Variants in ARID5B observed in about 807,000 individuals in gnomAD.
ARID5B encodes AT-rich interactive domain-containing protein 5B.
A neutral mutation model predicts 97.2 loss-of-function variants in ARID5B; 13 were observed. The observed-to-expected ratio is 0.13, with a 90% CI of 0.09 to 0.21. The LOEUF is 0.21. Ranked by LOEUF, ARID5B falls within the 10% of genes least tolerant of loss-of-function variation. The probability of loss-of-function intolerance (pLI) is 1.00; values close to 1 mark genes in which losing one functional copy is unlikely to be tolerated. For missense variants in ARID5B, 1,210 were observed against 1,465.3 expected (o/e 0.83, Z 2.84); for synonymous variants, 556 against 570.3 (o/e 0.97, Z 0.36).
intron 2 of ARID5B, among the ~76,000 whole-genome samples, chr10:61,926,677 C>T (rs1248645325): frequency 1.3e-5 from 2 of 152,144 alleles, no homozygotes; most frequent in East Asian, 3.9e-4. Flanking sequence ...GGCACGATCT[C>T]AGCTCGCTGC....
chr10:62,067,959 C>A (rs117371895), intron 7 of ARID5B, among the ~76,000 whole-genome samples: 1 of 152,188 alleles, frequency 6.6e-6, no homozygotes, highest in African/African-American at 2.4e-5. Context: ...TGTTTTCTAA[C>A]CCTGTTGTCA....
At chr10:62,013,760 G>T (rs1453966453) in intron 4 of ARID5B, among the ~76,000 whole-genome samples, 4 of 146,752 alleles carry the variant, frequency 2.7e-5, no homozygotes, top group Admixed American at 1.4e-4. Flanking sequence ...GGCAGAATTT[G>T]CTTCTTTTTT....
chr10:61,972,341 C>A (rs773943522), intron 3 of ARID5B, among the ~76,000 whole-genome samples: 24 of 151,246 alleles, frequency 1.6e-4, no homozygotes, highest in Non-Finnish European at 3.4e-4. Flanking sequence ...GATTCTCCTG[C>A]CTCAGCCTCC....
At chr10:61,965,654 G>A (rs761744576) in intron 3 of ARID5B, among the ~76,000 whole-genome samples, 2 of 151,978 alleles carry the variant, frequency 1.3e-5, no homozygotes, top group Non-Finnish European at 2.9e-5. Context: ...TGGCTTTTTT[G>A]AGTTCCCAAG....
In ARID5B at chr10:62,095,153, A is replaced by T; in HGVS notation, c.*2123A>T. ...CCATAGATAGACTAGTAGAATTTAGATTATAAATGTGTGAGTGCAGATTAT... is the reference window on the plus strand; with the variant it reads ...CCATAGATAGACTAGTAGAATTTAGTTTATAAATGTGTGAGTGCAGATTAT... On this transcript the variant is annotated 3_prime_UTR_variant, in exon 10 of 10. Transcript: ENST00000279873. 4.3e-6 allele frequency: 1 copy of T among 232,444 alleles called. No individual in the cohort carries two copies. The highest frequency in any genetic ancestry group is 8.5e-6 in the Non-Finnish European group (1 of 117,320). 14.4% of individuals were successfully genotyped at this position (232,444 alleles called of 1,614,324 possible).
At chr10:62,048,401 G>A (rs543063185) in intron 4 of ARID5B, among the ~76,000 whole-genome samples, 1 of 152,064 alleles carries the variant, frequency 6.6e-6, no homozygotes, top group African/African-American at 2.4e-5. Context: ...AGAGAAGGAG[G>A]GAAAAAAAGT....
At chr10:62,025,198 A>T (rs1002654931) in intron 4 of ARID5B, 3 of 152,258 alleles carry the variant, frequency 2.0e-5, no homozygotes, top group African/African-American at 7.2e-5. Context: ...ACTGGGCAAT[A>T]CAGTAACTGA....
rs754978773 is a variant in ARID5B at position 62,092,535 on chromosome 10, A to T, written c.3072A>T (p.Ala1024=). The T allele has an allele frequency of 9.9e-6, 16 of 1,614,174 alleles. No homozygotes were observed. The East Asian group carries it at 2.9e-4, about 29-fold the overall frequency. ...TGGAGGATTTGGACCTTGTGATTGCAGGGAAAAAGGCCCGGGCAGTGTCTC... is the reference window on the plus strand; with the variant it reads ...TGGAGGATTTGGACCTTGTGATTGCTGGGAAAAAGGCCCGGGCAGTGTCTC... ...RSLEDLDLVI[A]GKKARAVSPL... Residue 1024 remains alanine (A), a synonymous_variant, in exon 10 of 10, where the codon GCA becomes GCT. Transcript: ENST00000279873.
rs892712195 is a variant in ARID5B at position 62,093,712 on chromosome 10, T to C, written c.*682T>C. 4.3e-6 allele frequency: 1 copy of C among 232,866 alleles called. No homozygotes were observed. The highest frequency in any genetic ancestry group is 2.2e-5 in the African/African-American group (1 of 45,132). The allele number at this position is 232,866 out of a possible 1,614,324, so 14.4% of individuals were successfully genotyped here. ...GTATTGCTTTTGTTTGCAGGTCTTT[T>C]TGTTTTTGTTTTGTTTTTGAGGCTG... On this transcript the variant is annotated 3_prime_UTR_variant, in exon 10 of 10. Transcript: ENST00000279873.
rs897125185 is a variant in ARID5B, at chr10:61,956,448, A to G, written c.502+16040A>G. The stretch of plus-strand genomic sequence containing the variant: ...GGACCACTGGTTTATAGCATAAACA[A>G]TTGTATTAACTGTATACTGTTGTTT... On this transcript the variant is annotated intron_variant, in intron 3 of 9. Coordinates refer to ENST00000279873, the MANE Select transcript of ARID5B (RefSeq NM_032199.3). Among the ~76,000 whole-genome samples the G allele has an allele frequency of 5.9e-5, 9 of 152,258 alleles. 1 individual carries two copies. The highest frequency in any genetic ancestry group is 1.7e-4 in the African/African-American group (7 of 41,466).
intron 3 of ARID5B, among the ~76,000 whole-genome samples, chr10:61,941,349 C>T (rs779722772): frequency 4.6e-5 from 7 of 151,148 alleles, no homozygotes; most frequent in Non-Finnish European, 8.8e-5. Context: ...ATTTATTCTC[C>T]TAGCATTGCC....
intron 3 of ARID5B, among the ~76,000 whole-genome samples, chr10:61,981,358 C>T (rs775900392): frequency 5.9e-5 from 9 of 152,180 alleles, no homozygotes; most frequent in East Asian, 5.8e-4. Flanking sequence ...TTCCACTCAC[C>T]GCAATCTCTG....
chr10:61,928,027 G>A (rs945725763), intron 2 of ARID5B, among the ~76,000 whole-genome samples: 1 of 152,170 alleles, frequency 6.6e-6, no homozygotes, highest in Admixed American at 6.5e-5. Flanking sequence ...GAAGGGAGAA[G>A]TGTGGAGGCA....
chr10:62,008,179 C>T (rs1839171695), intron 4 of ARID5B, among the ~76,000 whole-genome samples: 2 of 151,794 alleles, frequency 1.3e-5, no homozygotes, highest in African/African-American at 4.8e-5. Flanking sequence ...CAGAGCAGTA[C>T]CCAGCACATA....
rs546512829 is a variant in ARID5B at position 61,932,196 on chromosome 10, G to A, written c.277-7987G>A. ...CCATACTGTAGTCTGCTAAATGTGC[G>A]TTAGCAATATGTCTAAAAAAAAAGT... On this transcript the variant is annotated intron_variant, in intron 2 of 9. Transcript: ENST00000279873. Among the ~76,000 whole-genome samples, 10 of 152,142 alleles carry A rather than the reference G, an allele frequency of 6.6e-5. No homozygotes were observed. In the East Asian group the frequency reaches 1.2e-3, roughly 18 times the overall value.
chr10:62,066,309 A>T (rs961721305), intron 7 of ARID5B, among the ~76,000 whole-genome samples: 4 of 152,192 alleles, frequency 2.6e-5, no homozygotes, highest in African/African-American at 9.7e-5. Flanking sequence ...TTTGAATTAC[A>T]TCTAGAGACC....
chr10:61,936,200 A>G (rs905647996), intron 2 of ARID5B, among the ~76,000 whole-genome samples: 1 of 152,186 alleles, frequency 6.6e-6, no homozygotes, highest in South Asian at 2.1e-4. Flanking sequence ...CTTAATGCCT[A>G]TGTTCAAATT....
At chr10:62,044,561 A>C (rs545653687) in intron 4 of ARID5B, among the ~76,000 whole-genome samples, 1 of 152,078 alleles carries the variant, frequency 6.6e-6, no homozygotes, top group African/African-American at 2.4e-5. Context: ...TCGTAGAAAC[A>C]GGGGTCTCAT....
chr10:62,037,797 C>T (rs1839585125), intron 4 of ARID5B, among the ~76,000 whole-genome samples: 1 of 152,164 alleles, frequency 6.6e-6, no homozygotes, highest in South Asian at 2.1e-4. Flanking sequence ...AAAGAACTCC[C>T]AGCTGTTTAA....
Sources: gnomAD v4.1 joint callset for allele counts (sites outside exome capture counted in the v4.1 genomes callset) on GRCh38, gnomAD v4.1.1 for gene constraint, MANE v1.5 for transcripts, NCBI Gene and HGNC (gene_info 2026-07-23, HGNC 2026-07-21) for gene names.